Variants in ASAP2 observed in about 807,000 individuals in gnomAD.
ASAP2 encodes ArfGAP with SH3 domain, ankyrin repeat and PH domain 2.
In ASAP2, 45 loss-of-function variants were observed where a neutral mutation model predicts 131.4. That is an observed-to-expected ratio of 0.34 (90% confidence interval 0.27 to 0.44). The LOEUF is 0.44. Ranked by LOEUF, ASAP2 falls within the 20% of genes least tolerant of loss-of-function variation. The pLI, the probability that ASAP2 is intolerant of heterozygous loss-of-function variation, is 1.00. For synonymous variants in ASAP2, 510 were observed against 503.0 expected (o/e 1.01, Z -0.19); for missense variants, 1,011 against 1,297.0 (o/e 0.78, Z 3.39).
chr2:9,344,540 A>T lies in ASAP2; in HGVS notation c.858A>T (p.Gln286His). ...TCTTCACCATTTTTTAGGACTCCCA[A>T]ATTCGTCAGAGCACAGCTTATAGCT... Reference protein sequence around the residue: ...ALQVEQKEDSQIRQSTAYSLH... With the variant: ...ALQVEQKEDSHIRQSTAYSLH... The change falls in exon 10 of 28, where the codon CAA becomes CAT. Residue 286 changes from glutamine to histidine, a missense_variant. Transcript: ENST00000281419. The T allele has an allele frequency of 6.2e-7, 1 of 1,613,854 alleles. No homozygotes were observed. The highest frequency in any genetic ancestry group is 8.5e-7 in the Non-Finnish European group (1 of 1,179,852).
At chr2:9,227,794 A>G (rs1165438969) in intron 1 of ASAP2, among the ~76,000 whole-genome samples, 2 of 152,246 alleles carry the variant, frequency 1.3e-5, no homozygotes, top group Non-Finnish European at 2.9e-5. Flanking sequence ...CTATGTGCTT[A>G]GAAACTTCTT....
intron 3 of ASAP2, among the ~76,000 whole-genome samples, chr2:9,317,808 T>G (rs560461778): frequency 2.3e-5 from 3 of 132,868 alleles, no homozygotes; most frequent in Admixed American, 1.4e-4. Flanking sequence ...ATTCACACAC[T>G]CACACAATCA....
rs546326725 is a variant in ASAP2 at position 9,350,417 on chromosome 2, T to C, written c.1024-391T>C. The C allele has an allele frequency of 1.3e-3, 213 of 164,882 alleles. 1 individual carries two copies. The highest frequency in any genetic ancestry group is 2.3e-3 in the Non-Finnish European group (177 of 76,502). 10.2% of individuals were successfully genotyped at this position (164,882 alleles called of 1,614,324 possible). Reference sequence around the variant, plus strand: ...AAAACGCTTTTAAGATCACCAGAAATTGAGCTGGGTGCCCAAGTTACCTGG... The same window carrying C: ...AAAACGCTTTTAAGATCACCAGAAACTGAGCTGGGTGCCCAAGTTACCTGG... On this transcript the variant is annotated intron_variant, in intron 11 of 27. Transcript: ENST00000281419.
intron 6 of ASAP2, among the ~76,000 whole-genome samples, chr2:9,323,512 T>A (rs1670285101): frequency 1.3e-5 from 2 of 152,256 alleles, no homozygotes; most frequent in South Asian, 4.1e-4. Context: ...TGGCTTCACG[T>A]ACGTACTCTT....
intron 9 of ASAP2, among the ~76,000 whole-genome samples, 164 bp from the exon 10 acceptor site, chr2:9,344,368 C>T (rs975700623): frequency 6.6e-6 from 1 of 152,142 alleles, no homozygotes; most frequent in Non-Finnish European, 1.5e-5. Flanking sequence ...GTTCCTAGAG[C>T]AGAATCTGAT....
intron 1 of ASAP2, among the ~76,000 whole-genome samples, chr2:9,225,164 G>T (rs1450071262): frequency 6.6e-6 from 1 of 152,202 alleles, no homozygotes; most frequent in Non-Finnish European, 1.5e-5. Flanking sequence ...ATGCAACAGA[G>T]ACCGTGTATA....
chr2:9,284,220 G>A (rs936432525), intron 2 of ASAP2, among the ~76,000 whole-genome samples: 1 of 152,190 alleles, frequency 6.6e-6, no homozygotes, highest in Non-Finnish European at 1.5e-5. Context: ...ACGTTATTCT[G>A]TCTACCACAC....
intron 3 of ASAP2, among the ~76,000 whole-genome samples, chr2:9,315,364 C>T (rs905523148): frequency 3.3e-5 from 5 of 152,082 alleles, no homozygotes; most frequent in Non-Finnish European, 7.4e-5. Context: ...AGGCAGTGGA[C>T]GTGAGAATGG....
intron 1 of ASAP2, among the ~76,000 whole-genome samples, chr2:9,231,575 C>T (rs570983710): frequency 3.3e-5 from 5 of 152,154 alleles, no homozygotes; most frequent in African/African-American, 4.8e-5. Flanking sequence ...GCCCGGGTGC[C>T]GCCACACCCC....
At chr2:9,331,150 T>G (rs4669382) in intron 7 of ASAP2, among the ~76,000 whole-genome samples, 81 of 152,374 alleles carry the variant, frequency 5.3e-4, no homozygotes, top group Non-Finnish European at 7.9e-4. Context: ...CCCTGCTGGG[T>G]ACACGCGGGC....
intron 24 of ASAP2, among the ~76,000 whole-genome samples, chr2:9,394,920 G>GC (rs1224854929): frequency 6.6e-6 from 1 of 152,114 alleles, no homozygotes; most frequent in African/African-American, 2.4e-5. Flanking sequence ...GTCTCTTCAC[G>GC]CCCCCCGTGG....
chr2:9,297,625 T>C (rs1413527392), intron 3 of ASAP2, among the ~76,000 whole-genome samples, 180 bp downstream of exon 3: 1 of 152,234 alleles, frequency 6.6e-6, no homozygotes, highest in East Asian at 1.9e-4. Context: ...ATTGTAATTT[T>C]TACTTTAACA....
chr2:9,333,240 A>G lies in ASAP2; in HGVS notation c.687-1498A>G, dbSNP rs1254215719. Among the ~76,000 whole-genome samples, 5 of 152,242 alleles carry G rather than the reference A, an allele frequency of 3.3e-5. No homozygotes were observed. In the South Asian group the frequency reaches 6.2e-4, roughly 19 times the overall value. ...TAAAGTTGGTGACAGTCCATCCTTCATTAAGTTATTCATTCAATAAATGGC... is the reference window on the plus strand; with the variant it reads ...TAAAGTTGGTGACAGTCCATCCTTCGTTAAGTTATTCATTCAATAAATGGC... On this transcript the variant is annotated intron_variant, in intron 7 of 27. Transcript: ENST00000281419.
chr2:9,282,047 T>C (rs1221860826), intron 2 of ASAP2, among the ~76,000 whole-genome samples: 1 of 152,204 alleles, frequency 6.6e-6, no homozygotes, highest in Non-Finnish European at 1.5e-5. Context: ...TTTGCCACTT[T>C]ATGAAAGAAA....
At chr2:9,388,151 C>A in intron 21 of ASAP2, 143 bp from the exon 22 acceptor site, 2 of 1,007,990 alleles carry the variant, frequency 2.0e-6, no homozygotes, top group South Asian at 1.7e-5. Flanking sequence ...CAACTTGTAG[C>A]TCTCAGGCAA....
chr2:9,348,734 G>A (rs573412576), intron 11 of ASAP2, among the ~76,000 whole-genome samples: 6 of 152,256 alleles, frequency 3.9e-5, no homozygotes, highest in Middle Eastern at 3.4e-3. Context: ...GGTATGCTGC[G>A]AAGTGAGAAA....
chr2:9,284,782 T>TA (rs1449065611), intron 2 of ASAP2, among the ~76,000 whole-genome samples: 2 of 152,252 alleles, frequency 1.3e-5, no homozygotes, highest in Non-Finnish European at 2.9e-5. Flanking sequence ...TGTATGTACT[T>TA]ACACTGCTTT....
rs573701525 is a variant in ASAP2, at chr2:9,310,238, G to A, written c.346-8286G>A. ...TTAAAATCTCCCCACATTTCAAAGC[G>A]TCTTTTCTACCTCTCAAGTTTCTCA... On this transcript the variant is annotated intron_variant, in intron 3 of 27. Transcript: ENST00000281419. Among the ~76,000 whole-genome samples, 7 of 152,270 alleles carry A rather than the reference G, an allele frequency of 4.6e-5. No individual in the cohort carries two copies. In the South Asian group the frequency reaches 8.3e-4, roughly 18 times the overall value.
intron 3 of ASAP2, among the ~76,000 whole-genome samples, chr2:9,297,727 A>AT (rs1376032572): frequency 6.6e-6 from 1 of 152,234 alleles, no homozygotes; most frequent in Non-Finnish European, 1.5e-5. Flanking sequence ...TCTGACTTGA[A>AT]TTTTTAACAG....
Sources: gnomAD v4.1 joint callset for allele counts (sites outside exome capture counted in the v4.1 genomes callset) on GRCh38, gnomAD v4.1.1 for gene constraint, MANE v1.5 for transcripts, NCBI Gene and HGNC (gene_info 2026-07-23, HGNC 2026-07-21) for gene names.